The following FAM151B variants were observed in gnomAD, a reference collection of about 807,000 sequenced individuals.
FAM151B encodes family with sequence similarity 151 member B, also known as protein FAM151B.
A neutral mutation model predicts 31.2 loss-of-function variants in FAM151B; 24 were observed. The observed-to-expected ratio is 0.77, with a 90% confidence interval of 0.56 to 1.08. The LOEUF is 1.08. Among genes scored for constraint, FAM151B ranks in the 50% least tolerant of loss-of-function variants. The pLI is 0.00. For synonymous variants in FAM151B, 105 were observed against 111.4 expected (o/e 0.94, Z 0.36); for missense variants, 293 against 328.6 (o/e 0.89, Z 0.84).
intron 5 of FAM151B, among the ~76,000 whole-genome samples, chr5:80,527,061 A>G (rs1745003607): frequency 6.6e-6 from 1 of 152,196 alleles, no homozygotes; most frequent in Non-Finnish European, 1.5e-5. Flanking sequence ...ACAACTTAGT[A>G]TTCTGCAAAG....
At chr5:80,499,122 GC>G (rs1743651374) in intron 1 of FAM151B, among the ~76,000 whole-genome samples, 3 of 152,182 alleles carry the variant, frequency 2.0e-5, no homozygotes, top group Non-Finnish European at 2.9e-5. Context: ...GCAGGCACTT[GC>G]TAGGCTCTTA....
At chr5:80,534,296 C>T (rs10072790) in intron 5 of FAM151B, among the ~76,000 whole-genome samples, 6 of 151,436 alleles carry the variant, frequency 4.0e-5, no homozygotes, top group Non-Finnish European at 7.4e-5. Flanking sequence ...CAGACAAAGA[C>T]ACATTAAAAA....
intron 3 of FAM151B, among the ~76,000 whole-genome samples, chr5:80,518,364 A>G (rs943339273): frequency 2.0e-5 from 3 of 152,152 alleles, no homozygotes; most frequent in East Asian, 1.9e-4. Context: ...GGCTGCTGCT[A>G]TGGGACTGAC....
chr5:80,495,243 C>T (rs1743486749), intron 1 of FAM151B: 1 of 152,174 alleles, frequency 6.6e-6, no homozygotes, highest in African/African-American at 2.4e-5. Flanking sequence ...ATGCTGTTTT[C>T]CTGCATGCTT....
At chr5:80,505,261 A>T (rs1743908413) in intron 2 of FAM151B, among the ~76,000 whole-genome samples, 1 of 152,144 alleles carries the variant, frequency 6.6e-6, no homozygotes, top group Non-Finnish European at 1.5e-5. Context: ...TCAGCCTCCC[A>T]AAGTGCTGGG....
At chr5:80,536,771 T>C (rs918746837) in intron 5 of FAM151B, among the ~76,000 whole-genome samples, 2 of 152,110 alleles carry the variant, frequency 1.3e-5, no homozygotes, top group African/African-American at 4.8e-5. Flanking sequence ...CTGGAGATCA[T>C]TATGTTAAGT....
intron 5 of FAM151B, among the ~76,000 whole-genome samples, chr5:80,524,755 T>C (rs1744884129): frequency 6.6e-6 from 1 of 152,210 alleles, no homozygotes. Context: ...CTGGATAATA[T>C]GCTTCTACTT....
chr5:80,542,050 A>T lies in FAM151B; in HGVS notation c.*218A>T, dbSNP rs1400520013. The T allele has an allele frequency of 2.1e-6, 1 of 482,152 alleles. No individual in the cohort carries two copies. The allele number at this position is 482,152 out of a possible 1,614,324, so 29.9% of individuals were successfully genotyped here. ...AGAGATTTATTTACACACGTGGCCT[A>T]GTCTAATAATAATTCAGGAAAATGA... is the stretch of plus-strand genomic sequence containing the variant. On this transcript the variant is annotated 3_prime_UTR_variant, in exon 6 of 6. Transcript: ENST00000282226.
chr5:80,505,737 C>A (rs913879863), intron 2 of FAM151B, among the ~76,000 whole-genome samples: 1 of 139,798 alleles, frequency 7.2e-6, no homozygotes, highest in Non-Finnish European at 1.5e-5. Context: ...CCTTTTCTTT[C>A]TTCCTATAAG....
intron 3 of FAM151B, chr5:80,518,934 A>T (rs993903227): frequency 1.3e-5 from 2 of 152,122 alleles, no homozygotes; most frequent in Non-Finnish European, 2.9e-5. Context: ...CTACAAGGTA[A>T]TTTTCTTATA....
intron 2 of FAM151B, among the ~76,000 whole-genome samples, chr5:80,502,847 T>A (rs1375101604): frequency 6.6e-6 from 1 of 152,018 alleles, no homozygotes; most frequent in East Asian, 1.9e-4. Flanking sequence ...GAATTTTGTC[T>A]TGTTTCATGT....
chr5:80,505,749 AT>A (rs386404255), intron 2 of FAM151B, among the ~76,000 whole-genome samples: 1,641 of 77,686 alleles, frequency 0.021, 12 homozygotes, highest in African/African-American at 0.076. Flanking sequence ...TCCTATAAGA[AT>A]TTTTTTTTTT....
intron 5 of FAM151B, among the ~76,000 whole-genome samples, chr5:80,531,185 T>A (rs981712306): frequency 1.3e-5 from 2 of 152,226 alleles, no homozygotes; most frequent in South Asian, 2.1e-4. Context: ...GCTAGCCATA[T>A]GTAGAAAGCT....
intron 2 of FAM151B, among the ~76,000 whole-genome samples, chr5:80,512,870 T>C (rs1427432989): frequency 6.6e-6 from 1 of 152,158 alleles, no homozygotes; most frequent in Non-Finnish European, 1.5e-5. Flanking sequence ...TTCAGGATTT[T>C]GATCTTTTGG....
intron 5 of FAM151B, among the ~76,000 whole-genome samples, chr5:80,538,536 C>CCTTT (rs1491550952): frequency 1.9e-4 from 25 of 128,748 alleles, no homozygotes; most frequent in Non-Finnish European, 3.1e-4. Flanking sequence ...TTCCTTCCTT[C>CCTTT]CTTCCTTCCT....
At position 80,513,638 on chromosome 5, in the gene FAM151B, T is replaced by A; in HGVS notation, c.186T>A (p.Leu62=). ...TAHMIEADVL[L]PSDGSEHSQP... ...ACATGATAGAGGCTGATGTCCTTCT[T>A]CCAAGTGATGGATCAGAACACAGCC... The change falls in exon 3 of 6, where the codon CTT becomes CTA. Residue 62 remains leucine (L), a synonymous_variant. Coordinates refer to ENST00000282226, the MANE Select transcript of FAM151B (RefSeq NM_205548.3). The A allele has an allele frequency of 6.2e-7, 1 of 1,613,944 alleles. No homozygotes were observed. The highest frequency in any genetic ancestry group is 8.5e-7 in the Non-Finnish European group (1 of 1,179,974).
intron 2 of FAM151B, among the ~76,000 whole-genome samples, chr5:80,507,659 C>T (rs1368491609): frequency 1.3e-5 from 2 of 152,094 alleles, no homozygotes; most frequent in Non-Finnish European, 2.9e-5. Flanking sequence ...CCAGCCTGGG[C>T]GACAGAACGA....
intron 5 of FAM151B, among the ~76,000 whole-genome samples, chr5:80,538,468 T>TTCTCTCTCTCTCTC (rs1405856387): frequency 8.7e-6 from 1 of 115,322 alleles, no homozygotes; most frequent in African/African-American, 3.6e-5. Context: ...CTTTCTTTCT[T>TTCTCTCTCTCTCTC]TCTTTCTTTC....
chr5:80,541,326 C>T (rs1745877081), intron 5 of FAM151B, among the ~76,000 whole-genome samples: 1 of 152,196 alleles, frequency 6.6e-6, no homozygotes, highest in Non-Finnish European at 1.5e-5. Context: ...CCTGAACAAA[C>T]CCAGGTTACA....
Sources: gnomAD v4.1 joint callset for allele counts (sites outside exome capture counted in the v4.1 genomes callset) on GRCh38, gnomAD v4.1.1 for gene constraint, MANE v1.5 for transcripts, NCBI Gene and HGNC (gene_info 2026-07-23, HGNC 2026-07-21) for gene names.